The following PCLAF variants were observed in gnomAD, a reference collection of about 807,000 sequenced individuals.
PCLAF encodes PCNA clamp associated factor, also known as PCNA-associated factor.
PCLAF carries 12 observed loss-of-function variants against 15.1 expected under a neutral mutation model. The ratio of observed to expected loss-of-function variants is 0.79; its 90% CI spans 0.51 to 1.29. PCLAF has a LOEUF of 1.29. PCLAF is among the 50% of genes most tolerant of loss of function. The pLI is 0.00. For missense variants in PCLAF, 116 were observed against 130.9 expected, an observed-to-expected ratio of 0.89 and a Z score of 0.56; for synonymous variants, 33 against 47.1, an observed-to-expected ratio of 0.70 and a Z score of 1.22.
At chr15:64,367,777 T>C (rs1470977794) in intron 3 of PCLAF, among the ~76,000 whole-genome samples, 2 of 151,750 alleles carry the variant, frequency 1.3e-5, no homozygotes, top group Admixed American at 6.6e-5. Flanking sequence ...CTTGGTCTCT[T>C]AACTTCATAA....
At chr15:64,372,084 G>T (rs910796732) in intron 3 of PCLAF, among the ~76,000 whole-genome samples, 6 of 150,842 alleles carry the variant, frequency 4.0e-5, no homozygotes, top group African/African-American at 1.5e-4. Context: ...AAAATTATTT[G>T]ACATACACAA....
intron 3 of PCLAF, among the ~76,000 whole-genome samples, chr15:64,371,635 G>A (rs183920632): frequency 2.0e-3 from 307 of 151,898 alleles, no homozygotes; most frequent in Non-Finnish European, 3.6e-3. Flanking sequence ...ACAGAGTCTC[G>A]CTCTGTCACC....
At position 64,365,734 on chromosome 15, in the gene PCLAF, A is replaced by G. The variant is rs1160637648; in HGVS notation, c.*296T>C. On this transcript the variant is annotated 3_prime_UTR_variant, in exon 4 of 4. Coordinates refer to ENST00000300035, the MANE Select transcript of PCLAF (RefSeq NM_014736.6). ...AACAATCTAAGCAAATCTCAAATACAACATACTTGTAATTAGAACACAATG... is the reference window on the plus strand; with the variant it reads ...AACAATCTAAGCAAATCTCAAATACGACATACTTGTAATTAGAACACAATG... The G allele has an allele frequency of 1.2e-5, 4 of 336,278 alleles. No individual in the cohort carries two copies. Among genetic ancestry groups the G allele is most frequent in the Non-Finnish European group, 2.2e-5 (4 of 185,276 alleles). 20.8% of individuals were successfully genotyped at this position (336,278 alleles called of 1,614,324 possible). A position where few individuals can be genotyped will look rare whatever the true frequency, so the allele number is the denominator to read the frequency against.
chr15:64,370,766 A>G (rs920519449), intron 3 of PCLAF, among the ~76,000 whole-genome samples: 2 of 150,358 alleles, frequency 1.3e-5, no homozygotes, highest in African/African-American at 2.5e-5. Flanking sequence ...CCCAGGCTCT[A>G]TCTAAAAATA....
At chr15:64,367,258 C>A (rs948258621) in intron 3 of PCLAF, among the ~76,000 whole-genome samples, 1 of 152,130 alleles carries the variant, frequency 6.6e-6, no homozygotes, top group Non-Finnish European at 1.5e-5. Flanking sequence ...AATCTCAGCA[C>A]TTCGGGAGGC....
At chr15:64,370,760 G>A (rs896052342) in intron 3 of PCLAF, among the ~76,000 whole-genome samples, 3 of 149,724 alleles carry the variant, frequency 2.0e-5, no homozygotes, top group Admixed American at 6.7e-5. Context: ...CTTAGGCCCA[G>A]GCTCTATCTA....
Position 64,381,284 on chromosome 15 carries a change from G to C in PCLAF, c.46+42C>G, listed in dbSNP as rs762859690. The C allele has an allele frequency of 3.1e-6, 5 of 1,611,170 alleles. No homozygotes were observed. In the Admixed American group the frequency reaches 5.0e-5, roughly 16 times the overall value. ...CTGTCGCCCGTGGCCAGGCTGCCGG[G>C]AGGACCCCCCCGCCCTCCAGTACCA... On this transcript the variant is annotated intron_variant, in intron 1 of 3. Coordinates refer to ENST00000300035, the MANE Select transcript of PCLAF (RefSeq NM_014736.6).
At chr15:64,384,280 T>C (rs1899890997), upstream of PCLAF, among the ~76,000 whole-genome samples, 1 of 152,034 alleles carries the variant, frequency 6.6e-6, no homozygotes, top group Non-Finnish European at 1.5e-5. Flanking sequence ...ATTACAGGTA[T>C]GTGCCACCAC....
Position 64,366,042 on chromosome 15 carries a change from A to T in PCLAF, c.324T>A (p.Asp108Glu). The change falls in exon 4 of 4, where the codon GAT (aspartate) becomes GAA (glutamate). Residue 108 changes from aspartate to glutamate, a missense_variant. Transcript: ENST00000300035. The part of the protein sequence containing the change: ...ACPLQPDHTN[D>E]EKE ...GAATGAGAAAGTTCTATTCTTTTTC[A>T]TCATTTGTGTGATCAGGTTGCAAAG... 1 of 1,611,208 alleles carries T rather than the reference A, an allele frequency of 6.2e-7. No homozygotes were observed. The highest frequency in any genetic ancestry group is 1.1e-5 in the South Asian group (1 of 90,604).
intron 1 of PCLAF, chr15:64,387,359 G>T: frequency 1.3e-6 from 1 of 789,910 alleles, no homozygotes; most frequent in Non-Finnish European, 1.6e-6. Context: ...TCAAGCCTGG[G>T]CGACAGTGCG....
chr15:64,380,062 A>G (rs935554182), intron 2 of PCLAF, among the ~76,000 whole-genome samples: 3 of 152,156 alleles, frequency 2.0e-5, no homozygotes, highest in African/African-American at 7.2e-5. Context: ...AGCCTCTAAC[A>G]ATATTTAAAT....
At chr15:64,387,145 T>C (rs1899960532) in intron 1 of PCLAF, among the ~76,000 whole-genome samples, 1 of 152,038 alleles carries the variant, frequency 6.6e-6, no homozygotes, top group African/African-American at 2.4e-5. Flanking sequence ...GGTGTGAATC[T>C]AGTAGTCGAC....
exon 1 of PCLAF, chr15:64,387,670 C>T (rs537973168): frequency 2.1e-6 from 3 of 1,411,420 alleles, no homozygotes; most frequent in African/African-American, 2.9e-5. Flanking sequence ...CTCCGGAGGG[C>T]ACAAGGAAGT....
At chr15:64,368,228 C>A (rs1899129427) in intron 3 of PCLAF, among the ~76,000 whole-genome samples, 1 of 151,872 alleles carries the variant, frequency 6.6e-6, no homozygotes. Flanking sequence ...GCCTGTAATC[C>A]CAGCTACTCA....
In PCLAF at chr15:64,381,387, G is replaced by A; in HGVS notation, c.-16C>T. 1 of 1,614,148 alleles carries A rather than the reference G, an allele frequency of 6.2e-7. No individual in the cohort carries two copies. Among genetic ancestry groups the A allele is most frequent in the Non-Finnish European group, 8.5e-7 (1 of 1,180,002 alleles). On this transcript the variant is annotated 5_prime_UTR_variant, in exon 1 of 4. Coordinates refer to ENST00000300035, the MANE Select transcript of PCLAF (RefSeq NM_014736.6). ...TCCGCACCATGTTCAAACAAGAAGA[G>A]AGGAGAGGAGAGAACGAACTGACTT... is the stretch of plus-strand genomic sequence containing the variant.
chr15:64,375,901 G>A (rs911927193), intron 3 of PCLAF, among the ~76,000 whole-genome samples: 2 of 152,144 alleles, frequency 1.3e-5, no homozygotes, highest in Non-Finnish European at 2.9e-5. Flanking sequence ...TGAGAGATTG[G>A]GAAGAGTAAA....
intron 2 of PCLAF, 115 bp from the exon 3 acceptor site, chr15:64,377,020 T>C (rs1020701814): frequency 3.8e-5 from 29 of 771,126 alleles, no homozygotes; most frequent in Non-Finnish European, 5.4e-5. Context: ...ATAATCTTTA[T>C]TTAAGATATA....
intron 3 of PCLAF, among the ~76,000 whole-genome samples, chr15:64,372,167 G>C (rs530875239): frequency 6.6e-6 from 1 of 152,162 alleles, no homozygotes; most frequent in Non-Finnish European, 1.5e-5. Flanking sequence ...GTTAAGTATC[G>C]TAACTAAATC....
intron 1 of PCLAF, chr15:64,387,333 G>C: frequency 7.8e-6 from 4 of 510,774 alleles, no homozygotes; most frequent in Non-Finnish European, 1.1e-5. Context: ...AGTGAGCCGA[G>C]ATCATGCCAC....
Sources: gnomAD v4.1 joint callset for allele counts (sites outside exome capture counted in the v4.1 genomes callset) on GRCh38, gnomAD v4.1.1 for gene constraint, MANE v1.5 for transcripts, NCBI Gene and HGNC (gene_info 2026-07-23, HGNC 2026-07-21) for gene names.